The following RUNDC3A variants were observed in gnomAD, a reference collection of about 807,000 sequenced individuals.
RUNDC3A encodes RUN domain containing 3A, also known as RUN domain-containing protein 3A.
A neutral mutation model predicts 53.9 loss-of-function variants in RUNDC3A; 28 were observed. The ratio of observed to expected loss-of-function variants is 0.52; its 90% CI spans 0.38 to 0.71. The LOEUF is 0.71. Among genes scored for constraint, RUNDC3A ranks in the 30% least tolerant of loss-of-function variants. The probability of loss-of-function intolerance (pLI) is 0.00; values close to 1 mark genes in which losing one functional copy is unlikely to be tolerated. For missense variants in RUNDC3A, 491 were observed against 597.3 expected, an observed-to-expected ratio of 0.82 and a Z score of 1.85; for synonymous variants, 232 against 249.4, an observed-to-expected ratio of 0.93 and a Z score of 0.66.
rs759804776 is a variant in RUNDC3A, at chr17:44,314,419, G to T, written c.459-316G>T. On this transcript the variant is annotated intron_variant, in intron 4 of 10. Transcript: ENST00000426726. ...CGTTTCAAGTTAACACGTTTTTTGCGCACCTACTGTATACCAAGCACTAAT... is the reference window on the plus strand; with the variant it reads ...CGTTTCAAGTTAACACGTTTTTTGCTCACCTACTGTATACCAAGCACTAAT... 2.5e-6 allele frequency: 3 copies of T among 1,195,234 alleles called. No individual in the cohort carries two copies. In the African/African-American group the frequency reaches 4.6e-5, roughly 18 times the overall value. The allele number at this position is 1,195,234 out of a possible 1,614,324, so 74.0% of individuals were successfully genotyped here. A position where few individuals can be genotyped will look rare whatever the true frequency, so the allele number is the denominator to read the frequency against.
In RUNDC3A at chr17:44,308,664, G is replaced by C. The variant is rs1463898876; in HGVS notation, c.-169G>C. On this transcript the variant is annotated 5_prime_UTR_variant, in exon 1 of 11. Transcript: ENST00000426726. ...TTGTTTTGCTCTGGCATCGCCGCCG[G>C]GGGAGGGAGCGAGGGGGCCGGGCAC... The C allele has an allele frequency of 6.4e-6, 3 of 466,790 alleles. No homozygotes were observed. The highest frequency in any genetic ancestry group is 1.1e-5 in the Non-Finnish European group (3 of 265,782). The allele number at this position is 466,790 out of a possible 1,614,324, so 28.9% of individuals were successfully genotyped here.
In RUNDC3A at chr17:44,318,438, C is replaced by A; in HGVS notation, c.*200C>A. The A allele has an allele frequency of 3.1e-6, 2 of 635,574 alleles. No individual in the cohort carries two copies. The highest frequency in any genetic ancestry group is 5.3e-6 in the Non-Finnish European group (2 of 377,904). The allele number at this position is 635,574 out of a possible 1,614,324, so 39.4% of individuals were successfully genotyped here. On this transcript the variant is annotated 3_prime_UTR_variant, in exon 11 of 11. Transcript: ENST00000426726. ...GGGCTGCGGAAGAAAGCACGCTGGG[C>A]CAGGAGGCAGGGGTGCCCAAGCCAC...
chr17:44,314,593 G>T, intron 4 of RUNDC3A, 142 bp from the exon 5 acceptor site: 6 of 1,453,762 alleles, frequency 4.1e-6, no homozygotes, highest in Non-Finnish European at 5.4e-6. Flanking sequence ...GGGGAGAGAG[G>T]CTCCAGGCCT....
Position 44,313,151 on chromosome 17 carries a change from C to T in RUNDC3A, c.271C>T (p.Arg91Trp), listed in dbSNP as rs773074935. 6.8e-6 allele frequency: 11 copies of T among 1,614,060 alleles called. No individual in the cohort carries two copies. Among genetic ancestry groups the T allele is most frequent in the Admixed American group, 1.7e-5 (1 of 60,032 alleles). ...GAGCTGGTTCAGCTCAGACGGGCAG[C>T]GGGGCTTTTGGGACTATATCCGGCT... is the stretch of plus-strand genomic sequence containing the variant. ...PVSWFSSDGQRGFWDYIRLAC... is the reference protein window; with the variant it reads ...PVSWFSSDGQWGFWDYIRLAC... Residue 91 changes from arginine to tryptophan, a missense_variant, in exon 3 of 11, where the codon CGG becomes TGG. Physicochemically the swap from Arg to Trp is moderately radical, Grantham distance 101 (BLOSUM62 -3). This residue lies in a region of RUNDC3A where 273 missense variants were observed against 389.0 expected (regional missense o/e 0.70). Transcript: ENST00000426726.
chr17:44,315,178 A>G lies in RUNDC3A; in HGVS notation c.653A>G (p.Glu218Gly). ...AGCTACGACTACCTGACGGACGAGG[A>G]GGAGCGGCACAGCGCCGAGAGCAGC... Reference protein sequence around the residue: ...TQSYDYLTDEEERHSAESSTS... With the variant: ...TQSYDYLTDEGERHSAESSTS... Residue 218 changes from glutamate (E) to glycine (G), a missense_variant, in exon 7 of 11, where the codon GAG becomes GGG. By Grantham distance (98) the Glu-to-Gly change is moderately conservative. Transcript: ENST00000426726. This position sits in a 1 kb window ranked among gnomAD's most constrained non-coding sequence, Gnocchi z 6.1. The G allele has an allele frequency of 6.4e-7, 1 of 1,565,458 alleles. No homozygotes were observed. The highest frequency in any genetic ancestry group is 8.7e-7 in the Non-Finnish European group (1 of 1,154,858).
Position 44,318,512 on chromosome 17 carries a change from T to C in RUNDC3A, c.*274T>C, listed in dbSNP as rs1410771924. On this transcript the variant is annotated 3_prime_UTR_variant, in exon 11 of 11. Transcript: ENST00000426726. ...TCCATTCTTCTGGTGACCTTGGCGC[T>C]CCTTCACTCATCTCCCCTGCCCCCT... 4.3e-6 allele frequency: 2 copies of C among 459,978 alleles called. No homozygotes were observed. Among genetic ancestry groups the C allele is most frequent in the Non-Finnish European group, 7.9e-6 (2 of 251,854 alleles). The allele number at this position is 459,978 out of a possible 1,614,324, so 28.5% of individuals were successfully genotyped here.
chr17:44,312,220 C>G (rs1174399329), intron 1 of RUNDC3A, among the ~76,000 whole-genome samples: 1 of 152,160 alleles, frequency 6.6e-6, no homozygotes, highest in Non-Finnish European at 1.5e-5. Flanking sequence ...GAAGGGTGGT[C>G]TATGGGGAAG....
At chr17:44,309,354 G>A (rs2047705152) in intron 1 of RUNDC3A, among the ~76,000 whole-genome samples, 1 of 152,298 alleles carries the variant, frequency 6.6e-6, no homozygotes, top group Admixed American at 6.5e-5. Context: ...TGACCTCTCT[G>A]GGGTGGGGTT....
At chr17:44,314,259 G>T in intron 4 of RUNDC3A, 1 of 1,008,746 alleles carries the variant, frequency 9.9e-7, no homozygotes, top group Non-Finnish European at 1.2e-6. Flanking sequence ...GAGGCAAGGG[G>T]TTACAAGGAG....
chr17:44,316,317 C>T (rs1237616622), intron 8 of RUNDC3A, 68 bp from the exon 9 acceptor site: 14 of 1,479,422 alleles, frequency 9.5e-6, no homozygotes, highest in Admixed American at 1.8e-5. Context: ...TCCCTCATCC[C>T]CTTGCTGAAT....
At chr17:44,311,241 T>C in intron 1 of RUNDC3A, 2 of 985,552 alleles carry the variant, frequency 2.0e-6, no homozygotes, top group Non-Finnish European at 2.4e-6. Flanking sequence ...CAGAGGTCAG[T>C]GGTCCAAGGC....
In RUNDC3A at chr17:44,313,673, G is replaced by A. The variant is rs1055612233; in HGVS notation, c.458+170G>A. On this transcript the variant is annotated intron_variant, in intron 4 of 10. Transcript: ENST00000426726. ...CCAGCCTGGCCTGCAGTCCCAGGAC[G>A]AACTCTTTTTTTTTTTTTTTTTTTT... is the stretch of plus-strand genomic sequence containing the variant. 8.8e-6 allele frequency: 11 copies of A among 1,252,816 alleles called. No homozygotes were observed. In the African/African-American group the frequency reaches 1.3e-4, roughly 14 times the overall value. 77.6% of individuals were successfully genotyped at this position (1,252,816 alleles called of 1,614,324 possible).
intron 5 of RUNDC3A, 48 bp from the exon 6 acceptor site, chr17:44,314,881 C>T (rs775828574): frequency 1.2e-6 from 2 of 1,613,960 alleles, no homozygotes; most frequent in Admixed American, 3.3e-5. Context: ...AAATGTCCTA[C>T]CCCAACCCCT....
Position 44,315,790 on chromosome 17 carries a change from C to A in RUNDC3A, c.953+181C>A. The stretch of plus-strand genomic sequence containing the variant: ...TGCCCACAATGATCTTCTAACATTG[C>A]CCCCAGCATAAGATCCAGTGACTTC... On this transcript the variant is annotated intron_variant, in intron 8 of 10. Coordinates refer to ENST00000426726, the MANE Select transcript of RUNDC3A (RefSeq NM_001144825.2). This position sits in a 1 kb window ranked among gnomAD's most constrained non-coding sequence, Gnocchi z 6.1. 1 of 489,576 alleles carries A rather than the reference C, an allele frequency of 2.0e-6. No homozygotes were observed. The highest frequency in any genetic ancestry group is 4.4e-5 in the Admixed American group (1 of 22,676). 30.3% of individuals were successfully genotyped at this position (489,576 alleles called of 1,614,324 possible). A position where few individuals can be genotyped will look rare whatever the true frequency, so the allele number is the denominator to read the frequency against.
In RUNDC3A at chr17:44,318,354, C is replaced by A. The variant is rs1412191337; in HGVS notation, c.*116C>A. On this transcript the variant is annotated 3_prime_UTR_variant, in exon 11 of 11. Coordinates refer to ENST00000426726, the MANE Select transcript of RUNDC3A (RefSeq NM_001144825.2). ...CTTCCAGAGAACGCTACCCACCCAG[C>A]CAGGGTTCTCTCGGGGAAGATCTCG... The A allele has an allele frequency of 2.6e-6, 3 of 1,166,140 alleles. No homozygotes were observed. Among genetic ancestry groups the A allele is most frequent in the East Asian group, 2.6e-5 (1 of 38,416 alleles). The allele number at this position is 1,166,140 out of a possible 1,614,324, so 72.2% of individuals were successfully genotyped here.
At chr17:44,317,682 C>A in intron 10 of RUNDC3A, 1 of 648,974 alleles carries the variant, frequency 1.5e-6, no homozygotes, top group Non-Finnish European at 2.8e-6. Context: ...TGAGACAAGG[C>A]AGGCTGTGGC....
intron 10 of RUNDC3A, 93 bp downstream of exon 10, chr17:44,316,818 GTC>G (rs2047874169): frequency 2.8e-5 from 14 of 502,544 alleles, no homozygotes; most frequent in Admixed American, 7.8e-5. Flanking sequence ...CATTCTCTTA[GTC>G]TTTTTTTTTT....
Position 44,315,270 on chromosome 17 carries a change from A to G in RUNDC3A, c.745A>G (p.Ser249Gly), listed in dbSNP as rs1209191800. ...CGTCACCGATGAGGACAGCTGGTAC[A>G]GCAAGTGGCACAAGATGGAGCAGAA... ...PLVTDEDSWY[S>G]KWHKMEQKFR... Residue 249 changes from serine to glycine, a missense_variant, in exon 7 of 11, where the codon AGC becomes GGC. Physicochemically the swap from Ser to Gly is moderately conservative, Grantham distance 56. This residue lies in a region of RUNDC3A where 273 missense variants were observed against 389.0 expected (regional missense o/e 0.70). Coordinates refer to ENST00000426726, the MANE Select transcript of RUNDC3A (RefSeq NM_001144825.2). The surrounding 1 kb of genome is among the most constrained non-coding windows in gnomAD (Gnocchi z 6.1). The G allele has an allele frequency of 6.5e-7, 1 of 1,549,658 alleles. No individual in the cohort carries two copies. The highest frequency in any genetic ancestry group is 8.7e-7 in the Non-Finnish European group (1 of 1,146,514).
chr17:44,309,162 G>T (rs553584100), intron 1 of RUNDC3A, among the ~76,000 whole-genome samples: 1 of 152,316 alleles, frequency 6.6e-6, no homozygotes, highest in African/African-American at 2.4e-5. Context: ...TGGGCCTGGG[G>T]GGTGAGGGGT....
Sources: allele counts gnomAD v4.1 joint callset (sites outside exome capture counted in the v4.1 genomes callset), GRCh38; gene constraint gnomAD v4.1.1; regional missense constraint gnomAD v4.1.1; non-coding constraint Gnocchi (gnomAD v3.1); transcripts MANE v1.5; gene names NCBI Gene and HGNC (gene_info 2026-07-23, HGNC 2026-07-21).